Variants in ERC1 observed in about 807,000 individuals in gnomAD.
The protein encoded by ERC1 is ELKS/RAB6-interacting/CAST family member 1.
A neutral mutation model predicts 132.0 loss-of-function variants in ERC1; 56 were observed. The ratio of observed to expected loss-of-function variants is 0.42; its 90% CI spans 0.34 to 0.53. The LOEUF (loss-of-function observed/expected upper bound fraction) is 0.53, where lower values mean the gene tolerates loss of function less well. Among genes scored for constraint, ERC1 ranks in the 20% least tolerant of loss-of-function variants. The pLI, the probability that ERC1 is intolerant of heterozygous loss-of-function variation, is 0.03. For synonymous variants in ERC1, 478 were observed against 476.1 expected, an observed-to-expected ratio of 1.00 and a Z score of -0.05; for missense variants, 1,202 against 1,349.9, an observed-to-expected ratio of 0.89 and a Z score of 1.72.
At chr12:1,347,973 A>T (rs1471203527) in intron 15 of ERC1, among the ~76,000 whole-genome samples, 3 of 152,006 alleles carry the variant, frequency 2.0e-5, no homozygotes, top group African/African-American at 7.3e-5. Flanking sequence ...ACAGAGTTAG[A>T]CTCGGTCTCA....
chr12:1,034,332 T>G (rs562105833), intron 2 of ERC1, among the ~76,000 whole-genome samples: 51 of 152,242 alleles, frequency 3.3e-4, no homozygotes, highest in South Asian at 1.0e-3. Context: ...TCTTAGCTAC[T>G]CAGGAGGCTG....
intron 7 of ERC1, among the ~76,000 whole-genome samples, chr12:1,126,267 G>A (rs1048202229): frequency 2.6e-5 from 4 of 152,104 alleles, no homozygotes; most frequent in African/African-American, 7.2e-5. Flanking sequence ...TAAACCAAAC[G>A]AAACCAAACA....
Position 1,394,030 on chromosome 12 carries a change from AAAACAAAAAAAAAACC to A in ERC1, c.2926-14117_2926-14102del, listed in dbSNP as rs1415578261. ...GACTCCGTCTCAAAAAAAAAAAAAA[AAAACAAAAAAAAAACC>A]ACAAAGCATTAAGCAATTTAATTTC... On this transcript the variant is annotated intron_variant, in intron 16 of 18. Transcript: ENST00000360905. Among the ~76,000 whole-genome samples the A allele has an allele frequency of 2.9e-4, 35 of 119,776 alleles. 1 individual carries two copies. The highest frequency in any genetic ancestry group is 1.2e-3 in the African/African-American group (34 of 28,738). The allele number at this position is 119,776 out of a possible 152,430, so 78.6% of individuals were successfully genotyped here.
intron 8 of ERC1, among the ~76,000 whole-genome samples, chr12:1,149,770 G>C (rs971141446): frequency 1.3e-5 from 2 of 152,090 alleles, no homozygotes; most frequent in African/African-American, 4.8e-5. Context: ...CAAATACATA[G>C]ATATTGACTG....
chr12:1,405,182 T>TAAATAA lies in ERC1; in HGVS notation c.2926-2964_2926-2959dup, dbSNP rs1566786476. Among the ~76,000 whole-genome samples, 34 of 123,134 alleles carry TAAATAA rather than the reference T, an allele frequency of 2.8e-4. No individual in the cohort carries two copies. In the South Asian group the frequency reaches 6.9e-3, roughly 25 times the overall value. The allele number at this position is 123,134 out of a possible 152,430, so 80.8% of individuals were successfully genotyped here. On this transcript the variant is annotated intron_variant, in intron 16 of 18. Coordinates refer to ENST00000360905, the MANE Select transcript of ERC1 (RefSeq NM_178040.4). ...AAATAAATAAATAAATAAATAAATA[T>TAAATAA]AAATAAAATAATATAAAATTGGGGG...
Position 1,274,480 on chromosome 12 carries a change from T to TTTATTTTATTTA in ERC1, c.2619+11317_2619+11318insATTTTATTTATT, listed in dbSNP as rs1555340355. On this transcript the variant is annotated intron_variant, in intron 14 of 18. Coordinates refer to ENST00000360905, the MANE Select transcript of ERC1 (RefSeq NM_178040.4). ...ATCTCGTCTATTTTATTTTATTTTA[T>TTTATTTTATTTA]TTTATTTATTTATTTATTTATTTAT... Among the ~76,000 whole-genome samples, 43 of 150,224 alleles carry TTTATTTTATTTA rather than the reference T, an allele frequency of 2.9e-4. 1 individual carries two copies. Among genetic ancestry groups the TTTATTTTATTTA allele is most frequent in the African/African-American group, 1.1e-3 (43 of 40,484 alleles).
intron 17 of ERC1, among the ~76,000 whole-genome samples, chr12:1,422,062 A>G (rs2092450273): frequency 6.6e-6 from 1 of 152,202 alleles, no homozygotes; most frequent in Non-Finnish European, 1.5e-5. Flanking sequence ...TCTTAGCAGA[A>G]TTCAGTCTTT....
intron 2 of ERC1, among the ~76,000 whole-genome samples, chr12:1,080,351 AC>A (rs1461895421): frequency 1.3e-5 from 2 of 152,176 alleles, no homozygotes; most frequent in African/African-American, 4.8e-5. Flanking sequence ...TGCTCTAGAT[AC>A]CTCATGTCAA....
At chr12:1,026,446 T>C (rs1966901023) in intron 1 of ERC1, among the ~76,000 whole-genome samples, 1 of 152,250 alleles carries the variant, frequency 6.6e-6, no homozygotes. Context: ...ATATATAATT[T>C]AGACCCTGTT....
In ERC1 at chr12:1,006,179, A is replaced by G. The variant is rs1219319918; in HGVS notation, c.-157+14857A>G. ...ACCATCTTGGCCAGGCTGGTCTTGA[A>G]CTCCTGACCTCAGGTGATCCACCCG... is the stretch of plus-strand genomic sequence containing the variant. On this transcript the variant is annotated intron_variant, in intron 1 of 18. Coordinates refer to ENST00000360905, the MANE Select transcript of ERC1 (RefSeq NM_178040.4). 1.1e-4 allele frequency among the ~76,000 whole-genome samples: 2 copies of G among 17,450 alleles called. 1 individual carries two copies. Among genetic ancestry groups the G allele is most frequent in the South Asian group, 0.016 (2 of 128 alleles). The allele number at this position is 17,450 out of a possible 152,430, so 11.4% of individuals were successfully genotyped here.
chr12:1,439,676 GTACAACCAATT>G lies in ERC1; in HGVS notation c.3025-4884_3025-4874del, dbSNP rs142162709. On this transcript the variant is annotated intron_variant, in intron 17 of 18. Coordinates refer to ENST00000360905, the MANE Select transcript of ERC1 (RefSeq NM_178040.4). ...TATTTAAGTACAGTTCATTATAGCT[GTACAACCAATT>G]TGGCCTGACCACATATCTGATGATT... is the stretch of plus-strand genomic sequence containing the variant. 4.4e-3 allele frequency among the ~76,000 whole-genome samples: 677 copies of G among 152,256 alleles called. 9 individuals carry two copies. Among genetic ancestry groups the G allele is most frequent in the African/African-American group, 0.015 (642 of 41,540 alleles).
At chr12:1,116,108 G>A in intron 7 of ERC1, 75 bp downstream of exon 7, 1 of 1,328,670 alleles carries the variant, frequency 7.5e-7, no homozygotes, top group Non-Finnish European at 1.0e-6. Flanking sequence ...TGCTGTTTTT[G>A]TTATGTTTAG....
intron 1 of ERC1, among the ~76,000 whole-genome samples, chr12:1,007,540 C>CTCTCTGTGTGTGTGTGTGTG (rs1555194875): frequency 2.9e-4 from 36 of 122,786 alleles, no homozygotes; most frequent in African/African-American, 1.1e-3. Flanking sequence ...CTCTCTCTCT[C>CTCTCTGTGTGTGTGTGTGTG]TGTGTGTGTG....
intron 17 of ERC1, among the ~76,000 whole-genome samples, chr12:1,409,855 C>G (rs975666139): frequency 1.3e-5 from 2 of 152,060 alleles, no homozygotes; most frequent in African/African-American, 4.8e-5. Flanking sequence ...ATTACAGGCA[C>G]CTGCCACCAT....
intron 16 of ERC1, chr12:1,386,655 A>AAAAAAAAC (rs1555385787): frequency 7.7e-6 from 1 of 130,440 alleles, no homozygotes; most frequent in Admixed American, 7.6e-5. Flanking sequence ...TCGTCTCAAA[A>AAAAAAAAC]AAAAAAAAAA....
chr12:1,274,529 G>A (rs527329580), intron 14 of ERC1, among the ~76,000 whole-genome samples: 9 of 151,326 alleles, frequency 5.9e-5, no homozygotes, highest in Non-Finnish European at 1.2e-4. Context: ...GTCTTGCTCT[G>A]TTGCCCAGGC....
chr12:1,039,055 G>T (rs1043711024), intron 2 of ERC1, among the ~76,000 whole-genome samples: 2 of 151,860 alleles, frequency 1.3e-5, no homozygotes, highest in African/African-American at 2.4e-5. Context: ...ACAAAATTAG[G>T]GCCAGGCACG....
intron 17 of ERC1, among the ~76,000 whole-genome samples, chr12:1,438,684 G>A (rs762711778): frequency 1.3e-5 from 2 of 152,192 alleles, no homozygotes; most frequent in Non-Finnish European, 2.9e-5. Flanking sequence ...GCTCAGGCCT[G>A]TTATCCTAGC....
intron 17 of ERC1, among the ~76,000 whole-genome samples, chr12:1,440,369 T>A (rs1415542699): frequency 6.7e-6 from 1 of 149,420 alleles, no homozygotes; most frequent in South Asian, 2.1e-4. Context: ...CACGCCCGGC[T>A]AATTTTTTTT....
Sources: allele counts gnomAD v4.1 joint callset (sites outside exome capture counted in the v4.1 genomes callset), GRCh38; gene constraint gnomAD v4.1.1; transcripts MANE v1.5; gene names NCBI Gene and HGNC (gene_info 2026-07-23, HGNC 2026-07-21).